CNTLN: variants seen among roughly 807,000 people sequenced by gnomAD.
The protein encoded by CNTLN is centlein, centrosomal protein.
A neutral mutation model predicts 180.0 loss-of-function variants in CNTLN; 212 were observed. The observed-to-expected ratio is 1.18, with a 90% CI of 1.05 to 1.32. The LOEUF (loss-of-function observed/expected upper bound fraction) is 1.32, where lower values mean the gene tolerates loss of function less well. CNTLN is among the 40% of genes most tolerant of loss of function. CNTLN has a pLI of 0.00. For synonymous variants in CNTLN, 722 were observed against 563.1 expected (o/e 1.28, Z -3.99); for missense variants, 2,095 against 1,610.9 (o/e 1.30, Z -5.14).
intron 2 of CNTLN, among the ~76,000 whole-genome samples, chr9:17,201,663 T>C (rs1822538852): frequency 1.3e-5 from 2 of 152,196 alleles, no homozygotes; most frequent in African/African-American, 4.8e-5. Context: ...TTTGTATTTC[T>C]GTGGGATCAG....
At chr9:17,341,099 A>T in intron 11 of CNTLN, 151 bp downstream of exon 11, 1 of 640,072 alleles carries the variant, frequency 1.6e-6, no homozygotes, top group Non-Finnish European at 2.3e-6. Context: ...GAATATAACA[A>T]ATTAAAACAG....
At position 17,502,594 on chromosome 9, in the gene CNTLN, TA is replaced by T; in HGVS notation, c.4166del (p.Asn1389MetfsTer6). ...SYLLEAVLEK[I>X]NEKKKLVEGY... Reference sequence around the variant, plus strand: ...TTACTAGAAGCAGTACTGGAAAAAATAAATGAAAAAAAGAAACTAGTTGAAG... The same window carrying T: ...TTACTAGAAGCAGTACTGGAAAAAATAATGAAAAAAAGAAACTAGTTGAAG... On this transcript the variant is annotated frameshift_variant, in exon 26 of 26. Coordinates refer to ENST00000380647, the MANE Select transcript of CNTLN (RefSeq NM_017738.4). LOFTEE classifies it high-confidence loss of function. 1 of 1,415,494 alleles carries T rather than the reference TA, an allele frequency of 7.1e-7. No homozygotes were observed. The highest frequency in any genetic ancestry group is 9.6e-7 in the Non-Finnish European group (1 of 1,036,552). 87.7% of individuals were successfully genotyped at this position (1,415,494 alleles called of 1,614,324 possible).
intron 6 of CNTLN, among the ~76,000 whole-genome samples, chr9:17,294,262 T>G (rs1185904249): frequency 6.6e-6 from 1 of 152,020 alleles, no homozygotes; most frequent in Non-Finnish European, 1.5e-5. Flanking sequence ...CACTGCTGGC[T>G]CTGGCAGCCT....
chr9:17,486,712 C>T (rs552156936), intron 24 of CNTLN, among the ~76,000 whole-genome samples: 20 of 152,130 alleles, frequency 1.3e-4, no homozygotes, highest in Middle Eastern at 6.8e-3. Context: ...GCTTTCACCC[C>T]CATATTAGCC....
chr9:17,243,404 G>T (rs1017851452), intron 5 of CNTLN, among the ~76,000 whole-genome samples: 1 of 152,028 alleles, frequency 6.6e-6, no homozygotes, highest in Non-Finnish European at 1.5e-5. Context: ...AGGATGCATT[G>T]TTAGGTTGTT....
At chr9:17,363,439 A>G (rs1823562511) in intron 12 of CNTLN, among the ~76,000 whole-genome samples, 2 of 151,438 alleles carry the variant, frequency 1.3e-5, no homozygotes, top group Admixed American at 1.3e-4. Flanking sequence ...ATGGTATCTC[A>G]TTGTAGTTTT....
chr9:17,298,251 G>A lies in CNTLN; in HGVS notation c.1045G>A (p.Ala349Thr), dbSNP rs776912140. ...KQNSTHTAQQ[A>T]ELIQQLQVLN... ...GAACAGTACACATACAGCCCAGCAA[G>A]CAGAGCTGATCCAGCAGCTTCAGGT... Residue 349 changes from alanine to threonine, a missense_variant, in exon 7 of 26, where the codon GCA (alanine) becomes ACA (threonine). By Grantham distance (58) the Ala-to-Thr change is moderately conservative. Transcript: ENST00000380647. 5 of 1,612,524 alleles carry A rather than the reference G, an allele frequency of 3.1e-6. No individual in the cohort carries two copies. In the African/African-American group the frequency reaches 4.0e-5, roughly 13 times the overall value.
intron 2 of CNTLN, among the ~76,000 whole-genome samples, chr9:17,182,602 G>A (rs1821189466): frequency 6.6e-6 from 1 of 152,116 alleles, no homozygotes; most frequent in Admixed American, 6.6e-5. Flanking sequence ...AATTGAAGTA[G>A]GTAACTTGAC....
chr9:17,325,135 C>G (rs755793560), intron 8 of CNTLN, among the ~76,000 whole-genome samples: 1 of 148,702 alleles, frequency 6.7e-6, no homozygotes, highest in Non-Finnish European at 1.5e-5. Context: ...TTTATTATAA[C>G]ACTATTTTGA....
intron 13 of CNTLN, among the ~76,000 whole-genome samples, chr9:17,367,401 T>TAAAA (rs71331487): frequency 0.56 from 84,936 of 151,482 alleles, 24,412 homozygotes; most frequent in East Asian, 0.73. Context: ...TATATAAACT[T>TAAAA]AAAAGACTGT....
At chr9:17,405,196 C>G (rs1166382322) in intron 15 of CNTLN, among the ~76,000 whole-genome samples, 1 of 151,656 alleles carries the variant, frequency 6.6e-6, no homozygotes, top group Non-Finnish European at 1.5e-5. Context: ...CTTCTTCTCA[C>G]TGATATTTAA....
chr9:17,371,866 C>T (rs148966481), intron 13 of CNTLN, among the ~76,000 whole-genome samples: 2 of 152,060 alleles, frequency 1.3e-5, no homozygotes, highest in African/African-American at 2.4e-5. Context: ...CTGAATGACC[C>T]GTGTGTCAAT....
At position 17,329,965 on chromosome 9, in the gene CNTLN, C is replaced by T. The variant is rs1011019605; in HGVS notation, c.1342-667C>T. 2.0e-5 allele frequency among the ~76,000 whole-genome samples: 3 copies of T among 151,886 alleles called. No individual in the cohort carries two copies. The South Asian group carries it at 6.2e-4, about 32-fold the overall frequency. On this transcript the variant is annotated intron_variant, in intron 8 of 25. Transcript: ENST00000380647. Reference sequence around the variant, plus strand: ...GAATTTGCATGGGTTTTAATGGCCTCAAATACATTCAGTGGAGATGGTAGT... The same window carrying T: ...GAATTTGCATGGGTTTTAATGGCCTTAAATACATTCAGTGGAGATGGTAGT...
intron 13 of CNTLN, among the ~76,000 whole-genome samples, chr9:17,372,831 A>C (rs960877501): frequency 1.3e-5 from 2 of 152,214 alleles, no homozygotes. Context: ...ACATTTGGAC[A>C]TTAATCAATG....
rs1831770477 is a variant in CNTLN, at chr9:17,466,710, T to G, written c.3674T>G (p.Leu1225Arg). The change falls in exon 23 of 26, where the codon CTC (leucine) becomes CGC (arginine). Residue 1225 changes from leucine to arginine, a missense_variant. Leu to Arg is a moderately radical substitution (Grantham distance 102, BLOSUM62 -2). Coordinates refer to ENST00000380647, the MANE Select transcript of CNTLN (RefSeq NM_017738.4). ...KSKEELEKKD[L>R]KLTLLVSRIS... is the part of the protein sequence containing the mutation. Reference sequence around the variant, plus strand: ...ATGACTGCTGATCTTTTGCAGGATCTCAAGCTTACTCTCCTAGTATCAAGA... The same window carrying G: ...ATGACTGCTGATCTTTTGCAGGATCGCAAGCTTACTCTCCTAGTATCAAGA... The G allele has an allele frequency of 6.2e-7, 1 of 1,607,256 alleles. No homozygotes were observed. Among genetic ancestry groups the G allele is most frequent in the Non-Finnish European group, 8.5e-7 (1 of 1,176,276 alleles).
intron 23 of CNTLN, among the ~76,000 whole-genome samples, chr9:17,467,553 A>G (rs1296362260): frequency 2.0e-5 from 3 of 151,712 alleles, no homozygotes; most frequent in Admixed American, 2.0e-4. Flanking sequence ...TGCAAAATGA[A>G]TTGATAAAAC....
chr9:17,396,856 C>G (rs1028387508), intron 15 of CNTLN, among the ~76,000 whole-genome samples: 2 of 152,162 alleles, frequency 1.3e-5, no homozygotes, highest in Non-Finnish European at 2.9e-5. Context: ...TAAAGAAACT[C>G]AAAAAACATA....
chr9:17,401,485 A>G (rs569294611), intron 15 of CNTLN, among the ~76,000 whole-genome samples: 1 of 151,612 alleles, frequency 6.6e-6, no homozygotes, highest in South Asian at 2.1e-4. Context: ...GCTACCTTCT[A>G]CCTCAGTCTC....
At chr9:17,414,003 C>G (rs186171220) in intron 16 of CNTLN, among the ~76,000 whole-genome samples, 47 of 152,300 alleles carry the variant, frequency 3.1e-4, no homozygotes, top group Non-Finnish European at 5.6e-4. Flanking sequence ...TGTGGTACAT[C>G]TGTAACACAG....
Sources: gnomAD v4.1 joint callset for allele counts (sites outside exome capture counted in the v4.1 genomes callset) on GRCh38, gnomAD v4.1.1 for gene constraint, MANE v1.5 for transcripts, NCBI Gene and HGNC (gene_info 2026-07-23, HGNC 2026-07-21) for gene names.